DRP2: variants seen among roughly 807,000 people sequenced by gnomAD.
DRP2 encodes the protein dystrophin related protein 2, also known as dystrophin-related protein 2.
Under a neutral mutation model 78.2 loss-of-function variants are expected in DRP2, and 29 were observed. That is an observed-to-expected ratio of 0.37 (90% CI 0.28 to 0.51). The LOEUF (loss-of-function observed/expected upper bound fraction) is 0.51. Among genes scored for constraint, DRP2 ranks in the 20% least tolerant of loss-of-function variants. The probability of loss-of-function intolerance (pLI) is 0.94; values close to 1 mark genes in which losing one functional copy is unlikely to be tolerated. For synonymous variants in DRP2, 290 were observed against 281.9 expected (o/e 1.03, Z -0.29); for missense variants, 686 against 770.6 (o/e 0.89, Z 1.30).
In DRP2 at chrX:101,263,751, T is replaced by C. The variant is rs1280759140; in HGVS notation, c.*3130T>C. The C allele has an allele frequency of 1.8e-5, 2 of 112,157 alleles. No homozygotes were observed. Among genetic ancestry groups the C allele is most frequent in the Non-Finnish European group, 3.8e-5 (2 of 53,248 alleles). The allele number at this position is 112,157 out of a possible 1,213,427, so 9.2% of individuals were successfully genotyped here. ...CCCTACAGAGAAATCTGTTTGAGTT[T>C]CTGGTGCTCCAGGAAATGGGTTGGC... On this transcript the variant is annotated 3_prime_UTR_variant, in exon 24 of 24. Coordinates refer to ENST00000395209, the MANE Select transcript of DRP2 (RefSeq NM_001939.3).
rs1569509750 is a variant in DRP2, at chrX:101,255,289, C to CCTTGAGAT, written c.2246+44_2246+51dup. 5 of 1,163,058 alleles carry CCTTGAGAT rather than the reference C, an allele frequency of 4.3e-6. No individual in the cohort carries two copies. In the East Asian group the frequency reaches 8.9e-5, roughly 21 times the overall value. On this transcript the variant is annotated intron_variant, in intron 20 of 23. Coordinates refer to ENST00000395209, the MANE Select transcript of DRP2 (RefSeq NM_001939.3). ...CTGCTTATTTGCCAGAAATAGTTCT[C>CCTTGAGAT]CTTGAGATCTTTGTGCCACTGTTTG... is the stretch of plus-strand genomic sequence containing the variant.
intron 4 of DRP2, among the ~76,000 whole-genome samples, chrX:101,236,689 A>G (rs1034141910): frequency 3.6e-5 from 4 of 112,057 alleles, no homozygotes; most frequent in African/African-American, 9.8e-5. Flanking sequence ...GGCATTGTGG[A>G]TAAGTTGAAA....
In DRP2 at chrX:101,255,170, C is replaced by T; in HGVS notation, c.2181-14C>T. ...CATCCTGTTTTCTCTCCTGCCTCTGCTCTTTATTCCTAGGCTTGCTGAGAT... is the reference window on the plus strand; with the variant it reads ...CATCCTGTTTTCTCTCCTGCCTCTGTTCTTTATTCCTAGGCTTGCTGAGAT... On this transcript the variant is annotated splice_polypyrimidine_tract_variant and intron_variant, in intron 19 of 23. Coordinates refer to ENST00000395209, the MANE Select transcript of DRP2 (RefSeq NM_001939.3). 1 of 1,209,298 alleles carries T rather than the reference C, an allele frequency of 8.3e-7. No homozygotes were observed. The highest frequency in any genetic ancestry group is 1.1e-6 in the Non-Finnish European group (1 of 893,421).
intron 2 of DRP2, 107 bp from the exon 3 acceptor site, chrX:101,231,478 G>A (rs1411787820): frequency 4.0e-5 from 21 of 522,594 alleles, no homozygotes; most frequent in Non-Finnish European, 5.1e-5. Context: ...AGGTCAGTAA[G>A]TTTTGAATAC....
rs752214534 is a variant in DRP2 at position 101,252,736 on chromosome X, G to A, written c.1977+20G>A. The A allele has an allele frequency of 8.5e-7, 1 of 1,171,205 alleles. No homozygotes were observed. Among genetic ancestry groups the A allele is most frequent in the Non-Finnish European group, 1.2e-6 (1 of 861,085 alleles). On this transcript the variant is annotated intron_variant, in intron 17 of 23. Transcript: ENST00000395209. The stretch of plus-strand genomic sequence containing the variant: ...ACACCGGTATGAAGCCTCCAGGCTG[G>A]GTGGGAGGGTTAGGCAGCTCTCAGG...
At chrX:101,248,011 T>G in intron 12 of DRP2, 78 bp from the exon 13 acceptor site, 1 of 929,143 alleles carries the variant, frequency 1.1e-6, no homozygotes. Context: ...GTGATGCTGG[T>G]GGCTTTATCT....
chrX:101,259,860 T>C (rs762573888), intron 22 of DRP2, among the ~76,000 whole-genome samples, 189 bp from the exon 23 acceptor site: 2 of 112,179 alleles, frequency 1.8e-5, no homozygotes, highest in Admixed American at 9.5e-5. Context: ...AAGAAGGTAA[T>C]GGGTAATTCA....
intron 20 of DRP2, 58 bp from the exon 21 acceptor site, chrX:101,256,060 G>A: frequency 2.7e-6 from 3 of 1,114,612 alleles, no homozygotes; most frequent in Non-Finnish European, 3.5e-6. Context: ...GCTGAGAGCT[G>A]AGTTGTTTCT....
At position 101,250,418 on chromosome X, in the gene DRP2, A is replaced by G. The variant is rs760159368; in HGVS notation, c.1541-5A>G. ...GTTGGCCATTCTTGACGGTGGGGCC[A>G]GCAGACCTCTTCAGCCAAGTGGCCA... is the stretch of plus-strand genomic sequence containing the variant. On this transcript the variant is annotated splice_polypyrimidine_tract_variant and splice_region_variant and intron_variant, in intron 14 of 23. Coordinates refer to ENST00000395209, the MANE Select transcript of DRP2 (RefSeq NM_001939.3). 8.3e-7 allele frequency: 1 copy of G among 1,209,457 alleles called. No individual in the cohort carries two copies. Among genetic ancestry groups the G allele is most frequent in the Non-Finnish European group, 1.1e-6 (1 of 895,098 alleles).
intron 21 of DRP2, 47 bp from the exon 22 acceptor site, chrX:101,258,262 C>A: frequency 9.1e-7 from 1 of 1,095,368 alleles, no homozygotes; most frequent in Non-Finnish European, 1.2e-6. Context: ...CCTGGACAGT[C>A]AGAGCCCTGT....
At chrX:101,245,885 A>G (rs1922917205) in intron 11 of DRP2, among the ~76,000 whole-genome samples, 1 of 111,883 alleles carries the variant, frequency 8.9e-6, no homozygotes, top group South Asian at 3.7e-4. Context: ...ATCGTTAAAA[A>G]TTTGCTAAAA....
intron 9 of DRP2, among the ~76,000 whole-genome samples, chrX:101,244,651 T>C (rs998897909): frequency 7.1e-5 from 8 of 112,343 alleles, no homozygotes; most frequent in African/African-American, 2.6e-4. Context: ...AAGTGGAGTC[T>C]ACTTCATATC....
rs1415343629 is a variant in DRP2, at chrX:101,260,641, T to C, written c.*20T>C. 8.3e-7 allele frequency: 1 copy of C among 1,200,909 alleles called. No homozygotes were observed. On this transcript the variant is annotated 3_prime_UTR_variant, in exon 24 of 24. Transcript: ENST00000395209. ...TCTTGATGGAGCCAGATCCCCATCCTATAGTTCATAGTCCTCTCCTGGTTC... is the reference window on the plus strand; with the variant it reads ...TCTTGATGGAGCCAGATCCCCATCCCATAGTTCATAGTCCTCTCCTGGTTC...
chrX:101,225,722 T>C (rs1922095864), intron 2 of DRP2, among the ~76,000 whole-genome samples: 1 of 111,631 alleles, frequency 9.0e-6, no homozygotes, highest in Non-Finnish European at 1.9e-5. Context: ...TTAGCTGTTA[T>C]TAAATAGGTA....
intron 5 of DRP2, 23 bp downstream of exon 5, chrX:101,237,798 G>T: frequency 9.1e-7 from 1 of 1,102,084 alleles, no homozygotes. Flanking sequence ...CAGAGAAGCC[G>T]TGGTGTGTAG....
chrX:101,244,986 CT>C (rs1922875279), intron 9 of DRP2, 30 bp from the exon 10 acceptor site: 2 of 1,190,292 alleles, frequency 1.7e-6, no homozygotes, highest in Non-Finnish European at 2.3e-6. Flanking sequence ...TAGTGGCCAG[CT>C]TTTTTTCTCT....
rs1389757048 is a variant in DRP2 at position 101,235,890 on chromosome X, C to G, written c.148C>G (p.Pro50Ala). Residue 50 changes from proline (P) to alanine (A), a missense_variant, in exon 4 of 24, where the codon CCT becomes GCT. Pro to Ala is a conservative substitution (Grantham distance 27). Coordinates refer to ENST00000395209, the MANE Select transcript of DRP2 (RefSeq NM_001939.3). ...AGCTGCTGTCACCAGCCCTGCACCT[C>G]CTCAAGATGGTGCTGGGGTTCCCTG... ...VRAAVTSPAP[P>A]QDGAGVPCLS... 8.3e-7 allele frequency: 1 copy of G among 1,211,212 alleles called. No individual in the cohort carries two copies. The highest frequency in any genetic ancestry group is 1.1e-6 in the Non-Finnish European group (1 of 895,086).
At chrX:101,231,549 GT>G in intron 2 of DRP2, 35 bp from the exon 3 acceptor site, 1 of 743,864 alleles carries the variant, frequency 1.3e-6, no homozygotes. Flanking sequence ...GCTTTTCTAG[GT>G]CTTGACTCGA....
chrX:101,262,229 A>C lies in DRP2; in HGVS notation c.*1608A>C, dbSNP rs1014925430. 1 of 111,215 alleles carries C rather than the reference A, an allele frequency of 9.0e-6. No individual in the cohort carries two copies. Among genetic ancestry groups the C allele is most frequent in the East Asian group, 2.8e-4 (1 of 3,536 alleles). The allele number at this position is 111,215 out of a possible 1,213,427, so 9.2% of individuals were successfully genotyped here. A position where few individuals can be genotyped will look rare whatever the true frequency, so the allele number is the denominator to read the frequency against. On this transcript the variant is annotated 3_prime_UTR_variant, in exon 24 of 24. Transcript: ENST00000395209. ...CAACAGAAACCTGTGGTCACAGAGAATCTAACAGGAAGAGTCACTGTTCTC... is the reference window on the plus strand; with the variant it reads ...CAACAGAAACCTGTGGTCACAGAGACTCTAACAGGAAGAGTCACTGTTCTC...
Sources: gnomAD v4.1 joint callset for allele counts (sites outside exome capture counted in the v4.1 genomes callset) on GRCh38, gnomAD v4.1.1 for gene constraint, MANE v1.5 for transcripts, NCBI Gene and HGNC (gene_info 2026-07-23, HGNC 2026-07-21) for gene names.